The following KMT2C variants were observed in gnomAD, a reference collection of about 807,000 sequenced individuals.
KMT2C encodes lysine methyltransferase 2C.
A neutral mutation model predicts 507.9 loss-of-function variants in KMT2C; 88 were observed. That is an observed-to-expected ratio of 0.17 (90% CI 0.15 to 0.21). The LOEUF is 0.21. Ranked by LOEUF, KMT2C falls within the 10% of genes least tolerant of loss-of-function variation. The pLI is 1.00. For synonymous variants in KMT2C, 2,049 were observed against 2,080.8 expected, an observed-to-expected ratio of 0.98 and a Z score of 0.42; for missense variants, 4,954 against 5,957.8, an observed-to-expected ratio of 0.83 and a Z score of 5.55.
At chr7:152,192,941 T>G (rs1193644351) in intron 31 of KMT2C, among the ~76,000 whole-genome samples, 3 of 152,052 alleles carry the variant, frequency 2.0e-5, no homozygotes, top group African/African-American at 7.2e-5. Context: ...TGGGAGGCCA[T>G]GGTGGGAGGA....
At chr7:152,411,447 A>T (rs1303297130) in intron 1 of KMT2C, among the ~76,000 whole-genome samples, 1 of 137,160 alleles carries the variant, frequency 7.3e-6, no homozygotes, top group Non-Finnish European at 1.6e-5. Flanking sequence ...AGAATCTCTG[A>T]CCCCCCACCC....
chr7:152,192,595 TATG>T (rs1322792997), intron 31 of KMT2C, among the ~76,000 whole-genome samples: 1 of 151,878 alleles, frequency 6.6e-6, no homozygotes, highest in Non-Finnish European at 1.5e-5. Context: ...AGAATAGTTA[TATG>T]ATAAGTATAT....
At chr7:152,180,239 T>G in intron 36 of KMT2C, 113 bp from the exon 37 acceptor site, 1 of 1,165,100 alleles carries the variant, frequency 8.6e-7, no homozygotes, top group Non-Finnish European at 1.2e-6. Context: ...CAGGCTGGCC[T>G]CAAATTCCTG....
chr7:152,218,911 CTG>C (rs1045392551), intron 23 of KMT2C, among the ~76,000 whole-genome samples: 6 of 152,114 alleles, frequency 3.9e-5, no homozygotes, highest in African/African-American at 1.4e-4. Flanking sequence ...TCTTTAAAAT[CTG>C]TGCTCAAATA....
At chr7:152,282,397 C>G (rs554365112) in intron 6 of KMT2C, among the ~76,000 whole-genome samples, 4 of 151,620 alleles carry the variant, frequency 2.6e-5, no homozygotes, top group African/African-American at 9.7e-5. Flanking sequence ...CTGCAATGTT[C>G]ATAGAACACA....
chr7:152,348,599 TAAAAAAAAAAAA>T (rs201530125), intron 2 of KMT2C, among the ~76,000 whole-genome samples: 624 of 49,026 alleles, frequency 0.013, 10 homozygotes, highest in Middle Eastern at 0.023. Flanking sequence ...AACTCTGTCT[TAAAAAAAAAAAA>T]AAAAAAAAAA....
intron 3 of KMT2C, among the ~76,000 whole-genome samples, chr7:152,319,117 G>A (rs570600257): frequency 7.2e-5 from 11 of 152,298 alleles, no homozygotes; most frequent in Non-Finnish European, 1.5e-4. Flanking sequence ...TTCAGGCTAT[G>A]TGTATAAGGT....
intron 1 of KMT2C, among the ~76,000 whole-genome samples, chr7:152,385,092 G>A (rs534448335): frequency 6.6e-6 from 1 of 152,144 alleles, no homozygotes; most frequent in South Asian, 2.1e-4. Context: ...CTCTGACCAA[G>A]CCTCTGGTTC....
chr7:152,210,977 T>A (rs1233185628), intron 23 of KMT2C, among the ~76,000 whole-genome samples: 1 of 152,208 alleles, frequency 6.6e-6, no homozygotes, highest in Admixed American at 6.5e-5. Flanking sequence ...ATCAATAATA[T>A]AGTTCAAGAA....
At chr7:152,369,126 C>T (rs769160234) in intron 1 of KMT2C, among the ~76,000 whole-genome samples, 1 of 151,898 alleles carries the variant, frequency 6.6e-6, no homozygotes, top group Non-Finnish European at 1.5e-5. Context: ...AGTTCGAGAC[C>T]AGCCTGGCCA....
chr7:152,358,468 A>C (rs1158193100), intron 2 of KMT2C, 119 bp downstream of exon 2: 11 of 596,306 alleles, frequency 1.8e-5, no homozygotes, highest in Non-Finnish European at 2.8e-5. Context: ...TGGGAAACTT[A>C]GAGTTCAGTA....
intron 44 of KMT2C, 52 bp downstream of exon 44, chr7:152,158,810 CA>C (rs1005415892): frequency 6.5e-7 from 1 of 1,544,202 alleles, no homozygotes; most frequent in African/African-American, 1.4e-5. Flanking sequence ...CCACTGCCCC[CA>C]GCCTATATCC....
chr7:152,300,016 AAC>A (rs2096552825), intron 6 of KMT2C, among the ~76,000 whole-genome samples: 2 of 152,322 alleles, frequency 1.3e-5, no homozygotes, highest in Admixed American at 6.5e-5. Flanking sequence ...AAGTATCATT[AAC>A]AGTCTCTTTA....
chr7:152,139,143 C>T lies in KMT2C; in HGVS notation c.14534+43G>A, dbSNP rs10240771. ...AGTGTTCTCTCCACCAGCACTGGCC[C>T]CACAAGCAAAAGCACTCCCCGTCAG... On this transcript the variant is annotated intron_variant, in intron 57 of 58. Coordinates refer to ENST00000262189, the MANE Select transcript of KMT2C (RefSeq NM_170606.3). 3,300 of 1,591,658 alleles carry T rather than the reference C, an allele frequency of 2.1e-3. 66 individuals are homozygous for T. In the African/African-American group the frequency reaches 0.04, roughly 19 times the overall value.
At chr7:152,366,999 C>A (rs1249252973) in intron 1 of KMT2C, 1 of 573,230 alleles carries the variant, frequency 1.7e-6, no homozygotes. Context: ...CCGGCCGCAC[C>A]CTTGCCTCAC....
intron 31 of KMT2C, 54 bp from the exon 32 acceptor site, chr7:152,187,901 T>C: frequency 1.3e-6 from 2 of 1,584,078 alleles, no homozygotes; most frequent in Non-Finnish European, 1.7e-6. Flanking sequence ...AACAAGGAGT[T>C]GAAGTAAAGC....
At chr7:152,357,365 A>G (rs2097160715) in intron 2 of KMT2C, among the ~76,000 whole-genome samples, 1 of 152,110 alleles carries the variant, frequency 6.6e-6, no homozygotes, top group Non-Finnish European at 1.5e-5. Flanking sequence ...TCTACTAAAG[A>G]TACAAAAAAT....
chr7:152,164,291 A>AC (rs2092619337), intron 42 of KMT2C, among the ~76,000 whole-genome samples: 1 of 142,654 alleles, frequency 7.0e-6, no homozygotes. Flanking sequence ...ATTGTACAAC[A>AC]TTTTTTTTTT....
At chr7:152,418,515 C>T (rs1589910522) in intron 1 of KMT2C, among the ~76,000 whole-genome samples, 2 of 152,258 alleles carry the variant, frequency 1.3e-5, no homozygotes, top group South Asian at 4.2e-4. Flanking sequence ...ACTGCAACCT[C>T]CACCTCCCGG....
Sources: allele counts gnomAD v4.1 joint callset (sites outside exome capture counted in the v4.1 genomes callset), GRCh38; gene constraint gnomAD v4.1.1; transcripts MANE v1.5; gene names NCBI Gene and HGNC (gene_info 2026-07-23, HGNC 2026-07-21).